Variants in DLG1 observed in about 807,000 individuals in gnomAD.
The protein encoded by DLG1 is discs large MAGUK scaffold protein 1, also known as disks large homolog 1.
A neutral mutation model predicts 123.4 loss-of-function variants in DLG1; 42 were observed. The ratio of observed to expected loss-of-function variants is 0.34; its 90% CI spans 0.27 to 0.44. DLG1 has a LOEUF of 0.44. DLG1 is among the 20% of genes least tolerant of loss of function. The pLI is 1.00. For synonymous variants in DLG1, 317 were observed against 356.2 expected, an observed-to-expected ratio of 0.89 and a Z score of 1.24; for missense variants, 942 against 1,082.6, an observed-to-expected ratio of 0.87 and a Z score of 1.82.
intron 13 of DLG1, among the ~76,000 whole-genome samples, chr3:197,112,894 C>G (rs191506217): frequency 6.6e-6 from 1 of 152,080 alleles, no homozygotes; most frequent in Non-Finnish European, 1.5e-5. Flanking sequence ...CGTCACCCAG[C>G]GTATTTGGTT....
At chr3:197,135,540 G>C (rs1784665484) in intron 10 of DLG1, among the ~76,000 whole-genome samples, 1 of 152,128 alleles carries the variant, frequency 6.6e-6, no homozygotes, top group South Asian at 2.1e-4. Context: ...AAATTACCCA[G>C]TCTCGGGTAA....
At position 197,296,397 on chromosome 3, in the gene DLG1, T is replaced by G; in HGVS notation, c.100A>C (p.Ile34Leu). ...QTEDRQLRSS[I>L]ERVINIFQSN... ...TGAAATATGTTAATAACCCGTTCTA[T>G]GGAACTTCTGAGCTGTCTGTCTTCA... Residue 34 changes from isoleucine (I) to leucine (L), a missense_variant, in exon 3 of 25, where the codon ATA becomes CTA. Physicochemically the swap from Ile to Leu is conservative, Grantham distance 5. Transcript: ENST00000667157. The G allele has an allele frequency of 6.2e-7, 1 of 1,613,736 alleles. No individual in the cohort carries two copies. The highest frequency in any genetic ancestry group is 8.5e-7 in the Non-Finnish European group (1 of 1,179,684).
At chr3:197,255,911 G>A (rs950341984) in intron 4 of DLG1, among the ~76,000 whole-genome samples, 12 of 152,066 alleles carry the variant, frequency 7.9e-5, no homozygotes, top group Admixed American at 2.0e-4. Context: ...ATCAAGCTGC[G>A]TACTTAGATT....
chr3:197,104,846 G>T, intron 14 of DLG1, 57 bp downstream of exon 14: 1 of 1,197,042 alleles, frequency 8.4e-7, no homozygotes, highest in South Asian at 1.3e-5. Flanking sequence ...ATATTAAAGA[G>T]GAAGAATTTT....
At chr3:197,107,708 C>T (rs1305284665) in intron 13 of DLG1, among the ~76,000 whole-genome samples, 2 of 151,842 alleles carry the variant, frequency 1.3e-5, no homozygotes, top group African/African-American at 4.8e-5. Context: ...CATTTATTAG[C>T]TTGACAGTCT....
At chr3:197,217,232 A>C (rs147642109) in intron 4 of DLG1, among the ~76,000 whole-genome samples, 2 of 152,206 alleles carry the variant, frequency 1.3e-5, no homozygotes, top group Non-Finnish European at 2.9e-5. Context: ...TTGAAGGTAG[A>C]TAAGTACACA....
chr3:197,185,250 A>C (rs1223357836), intron 5 of DLG1, among the ~76,000 whole-genome samples: 1 of 152,238 alleles, frequency 6.6e-6, no homozygotes, highest in Non-Finnish European at 1.5e-5. Context: ...CTACGTGCTT[A>C]CCAGCACCAA....
intron 14 of DLG1, among the ~76,000 whole-genome samples, chr3:197,099,902 G>A (rs1162671321): frequency 1.3e-5 from 2 of 152,172 alleles, no homozygotes; most frequent in African/African-American, 4.8e-5. Context: ...CATACTCGGA[G>A]GATTAGTTCC....
intron 6 of DLG1, among the ~76,000 whole-genome samples, chr3:197,149,070 A>G (rs774803556): frequency 2.6e-5 from 4 of 152,218 alleles, no homozygotes; most frequent in Non-Finnish European, 5.9e-5. Flanking sequence ...TTCACATATC[A>G]TAAAATCTAC....
At position 197,298,247 on chromosome 3, in the gene DLG1, A is replaced by AGGGGGAGGCGGGTCGGGGG. The variant is rs1240743340; in HGVS notation, c.-32+270_-32+288dup. 3 of 345,578 alleles carry AGGGGGAGGCGGGTCGGGGG rather than the reference A, an allele frequency of 8.7e-6. No homozygotes were observed. The East Asian group carries it at 1.3e-4, about 15-fold the overall frequency. 21.4% of individuals were successfully genotyped at this position (345,578 alleles called of 1,614,324 possible). A position where few individuals can be genotyped will look rare whatever the true frequency, so the allele number is the denominator to read the frequency against. ...CCCGCGCTGCTACCTTCGGGTTGGAAGGGGGAGGCGGGTCGGGGGAGGGCA... is the reference window on the plus strand; with the variant it reads ...CCCGCGCTGCTACCTTCGGGTTGGAAGGGGGAGGCGGGTCGGGGGGGGGGAGGCGGGTCGGGGGAGGGCA... On this transcript the variant is annotated intron_variant, in intron 1 of 24. Transcript: ENST00000667157.
In DLG1 at chr3:197,085,567, GA is replaced by G. The variant is rs1275208255; in HGVS notation, c.1838+12del. ...ATGTTGCCTCACATTCAAGTGGTAA[GA>G]AACAGGCATACCTGCGTTTACTGGG... is the stretch of plus-strand genomic sequence containing the variant. On this transcript the variant is annotated intron_variant, in intron 16 of 24. Coordinates refer to ENST00000667157, the MANE Select transcript of DLG1 (RefSeq NM_001366207.1). The G allele has an allele frequency of 6.8e-6, 11 of 1,613,470 alleles. No homozygotes were observed. Among genetic ancestry groups the G allele is most frequent in the Non-Finnish European group, 2.5e-6 (3 of 1,179,726 alleles).
At chr3:197,086,166 G>A (rs899931981) in intron 15 of DLG1, among the ~76,000 whole-genome samples, 7 of 152,020 alleles carry the variant, frequency 4.6e-5, no homozygotes, top group African/African-American at 1.7e-4. Context: ...ATTAGTTGTG[G>A]ACTGTACGAC....
At chr3:197,287,405 T>A (rs932246874) in intron 3 of DLG1, among the ~76,000 whole-genome samples, 1 of 152,182 alleles carries the variant, frequency 6.6e-6, no homozygotes. Context: ...ATCTTGGCAA[T>A]AGATTATAAT....
intron 4 of DLG1, among the ~76,000 whole-genome samples, chr3:197,270,136 C>T (rs1763315825): frequency 6.6e-6 from 1 of 152,042 alleles, no homozygotes; most frequent in African/African-American, 2.4e-5. Flanking sequence ...CATCGTTATG[C>T]GTGGATTCTA....
At position 197,044,694 on chromosome 3, in the gene DLG1, T is replaced by A. The variant is rs752917348; in HGVS notation, c.2611A>T (p.Asn871Tyr). Residue 871 changes from asparagine (N) to tyrosine (Y), a missense_variant, in exon 25 of 25, where the codon AAC (asparagine) becomes TAC (tyrosine). Asn to Tyr is a moderately radical substitution (Grantham distance 143). Transcript: ENST00000667157. The part of the protein sequence containing the change: ...VQGDTLEDIY[N>Y]QVKQIIEEQS... ...TCTTCTATGATCTGTTTCACTTGGT[T>A]GTAAATGTCTTCCAGCGTATCCCCC... 1.6e-5 allele frequency: 25 copies of A among 1,608,596 alleles called. No individual in the cohort carries two copies. The highest frequency in any genetic ancestry group is 2.0e-5 in the Non-Finnish European group (24 of 1,176,876).
chr3:197,244,378 G>A lies in DLG1; in HGVS notation c.318+38301C>T, dbSNP rs375279901. ...AATCTGGGCCTTTGGCCTGCTGTGC[G>A]CACAAGCATAGCAATCATTTTTGTT... On this transcript the variant is annotated intron_variant, in intron 4 of 24. Coordinates refer to ENST00000667157, the MANE Select transcript of DLG1 (RefSeq NM_001366207.1). Among the ~76,000 whole-genome samples, 14 of 152,308 alleles carry A rather than the reference G, an allele frequency of 9.2e-5. No individual in the cohort carries two copies. The East Asian group carries it at 9.6e-4, about 10-fold the overall frequency.
chr3:197,053,256 C>T (rs1729209267), intron 23 of DLG1, among the ~76,000 whole-genome samples: 1 of 152,204 alleles, frequency 6.6e-6, no homozygotes, highest in South Asian at 2.1e-4. Context: ...CTGTCTAGTA[C>T]TCTTTCATCC....
intron 13 of DLG1, among the ~76,000 whole-genome samples, chr3:197,112,768 A>AT (rs922806916): frequency 2.1e-4 from 32 of 151,088 alleles, no homozygotes; most frequent in South Asian, 1.3e-3. Flanking sequence ...TTAAAAAAAA[A>AT]TTTTTTTTTT....
chr3:197,063,738 G>T (rs1737450231), intron 22 of DLG1, among the ~76,000 whole-genome samples: 1 of 151,996 alleles, frequency 6.6e-6, no homozygotes, highest in African/African-American at 2.4e-5. Flanking sequence ...TAAATTCCTA[G>T]AAGTGGGATG....
Sources: allele counts gnomAD v4.1 joint callset (sites outside exome capture counted in the v4.1 genomes callset), GRCh38; gene constraint gnomAD v4.1.1; transcripts MANE v1.5; gene names NCBI Gene and HGNC (gene_info 2026-07-23, HGNC 2026-07-21).